The following CSMD2 variants were observed in gnomAD, a reference collection of about 807,000 sequenced individuals.
CSMD2 encodes the protein CUB and Sushi multiple domains 2.
A neutral mutation model predicts 398.5 loss-of-function variants in CSMD2; 130 were observed. That is an observed-to-expected ratio of 0.33 (90% confidence interval 0.28 to 0.38). The LOEUF is 0.38. Among genes scored for constraint, CSMD2 ranks in the 10% least tolerant of loss-of-function variants. CSMD2 has a pLI of 1.00. For synonymous variants in CSMD2, 1,828 were observed against 1,908.5 expected (o/e 0.96, Z 1.10); for missense variants, 3,829 against 4,764.9 (o/e 0.80, Z 5.78).
rs11333218 is a variant in CSMD2 at position 33,514,280 on chromosome 1, CTTTTTTT to C, written c.*2337_*2343del. On this transcript the variant is annotated 3_prime_UTR_variant, in exon 71 of 71. Transcript: ENST00000373381. ...ACAATAATGAAAAAAAAATTTACAC[CTTTTTTT>C]TTTTCTTTTTTGGTACTGTACAAAC... 1 of 147,326 alleles carries C rather than the reference CTTTTTTT, an allele frequency of 6.8e-6. No individual in the cohort carries two copies. The highest frequency in any genetic ancestry group is 2.1e-4 in the South Asian group (1 of 4,682). 9.1% of individuals were successfully genotyped at this position (147,326 alleles called of 1,614,324 possible).
At chr1:33,762,107 A>G (rs1239549807) in intron 13 of CSMD2, among the ~76,000 whole-genome samples, 1 of 152,262 alleles carries the variant, frequency 6.6e-6, no homozygotes, top group Non-Finnish European at 1.5e-5. Flanking sequence ...AGGACCACAG[A>G]GTCTGAGGAC....
chr1:34,161,412 G>A (rs1641317277), intron 1 of CSMD2, among the ~76,000 whole-genome samples: 1 of 152,168 alleles, frequency 6.6e-6, no homozygotes, highest in South Asian at 2.1e-4. Context: ...AGAGAGTGGT[G>A]AAAAGGAATG....
At chr1:33,651,462 A>G (rs1380112819) in intron 28 of CSMD2, among the ~76,000 whole-genome samples, 3 of 152,224 alleles carry the variant, frequency 2.0e-5, no homozygotes, top group African/African-American at 7.2e-5. Flanking sequence ...CGCTCAGAAT[A>G]AAGCCAGGGT....
chr1:33,731,332 C>A (rs1412432370), intron 15 of CSMD2, among the ~76,000 whole-genome samples: 1 of 151,920 alleles, frequency 6.6e-6, no homozygotes, highest in Non-Finnish European at 1.5e-5. Context: ...AGCATGTTAC[C>A]ATTTTGTAAT....
intron 28 of CSMD2, among the ~76,000 whole-genome samples, chr1:33,651,492 T>C (rs1643752430): frequency 6.6e-6 from 1 of 152,166 alleles, no homozygotes; most frequent in African/African-American, 2.4e-5. Context: ...AATGGAGTCT[T>C]CCACTTATAA....
At chr1:34,076,948 T>A (rs1482539344) in intron 2 of CSMD2, among the ~76,000 whole-genome samples, 86 of 111,080 alleles carry the variant, frequency 7.7e-4, no homozygotes, top group African/African-American at 3.1e-3. Context: ...TATATATATA[T>A]ATATATATAG....
chr1:34,070,681 G>A (rs1655641309), intron 2 of CSMD2, among the ~76,000 whole-genome samples: 1 of 152,146 alleles, frequency 6.6e-6, no homozygotes. Context: ...AACTCTTTGT[G>A]TCTGCATTCC....
chr1:33,606,358 C>T (rs1435317466), intron 41 of CSMD2, among the ~76,000 whole-genome samples: 5 of 152,330 alleles, frequency 3.3e-5, no homozygotes, highest in East Asian at 1.9e-4. Context: ...GTTTCTCATA[C>T]GTAATAACAA....
At chr1:33,810,918 T>A in intron 9 of CSMD2, 54 bp from the exon 10 acceptor site, 1 of 1,592,456 alleles carries the variant, frequency 6.3e-7, no homozygotes, top group South Asian at 1.1e-5. Flanking sequence ...CCAGTTCCCC[T>A]TCTTGCCTCC....
chr1:33,845,670 T>C (rs984259583), intron 6 of CSMD2, among the ~76,000 whole-genome samples: 3 of 152,262 alleles, frequency 2.0e-5, no homozygotes, highest in African/African-American at 7.2e-5. Flanking sequence ...GGGTAAGCCT[T>C]TGTTAAGCTA....
At chr1:33,625,788 T>G (rs984749051) in intron 33 of CSMD2, among the ~76,000 whole-genome samples, 1 of 151,928 alleles carries the variant, frequency 6.6e-6, no homozygotes, top group Non-Finnish European at 1.5e-5. Flanking sequence ...CTGGGCAGAG[T>G]CGAATGAACA....
Position 33,720,889 on chromosome 1 carries a change from C to T in CSMD2, c.3001+3308G>A, listed in dbSNP as rs376384637. Among the ~76,000 whole-genome samples, 15 of 152,130 alleles carry T rather than the reference C, an allele frequency of 9.9e-5. No homozygotes were observed. The East Asian group carries it at 2.5e-3, about 26-fold the overall frequency. ...ATTTTTTTTGTATTTTTAGTAGACA[C>T]GGGGTTTCTCCATGTTGGTCAGGCT... On this transcript the variant is annotated intron_variant, in intron 19 of 70. Coordinates refer to ENST00000373381, the MANE Select transcript of CSMD2 (RefSeq NM_001281956.2).
At chr1:33,708,431 G>A (rs893497573) in intron 22 of CSMD2, among the ~76,000 whole-genome samples, 2 of 151,912 alleles carry the variant, frequency 1.3e-5, no homozygotes, top group Non-Finnish European at 2.9e-5. Context: ...TCACACACAG[G>A]TGGAAACATA....
At chr1:34,161,109 T>G (rs1161266179) in intron 1 of CSMD2, among the ~76,000 whole-genome samples, 3 of 151,880 alleles carry the variant, frequency 2.0e-5, no homozygotes, top group Non-Finnish European at 4.4e-5. Context: ...AAGGAAGGAG[T>G]TGAGGATAAT....
intron 9 of CSMD2, among the ~76,000 whole-genome samples, chr1:33,813,392 C>A (rs1207145328): frequency 6.6e-6 from 1 of 152,200 alleles, no homozygotes; most frequent in Non-Finnish European, 1.5e-5. Context: ...GAGCAGCCAG[C>A]TCCATGGGAT....
intron 21 of CSMD2, among the ~76,000 whole-genome samples, chr1:33,713,988 C>T (rs1002617208): frequency 6.6e-6 from 1 of 152,216 alleles, no homozygotes; most frequent in African/African-American, 2.4e-5. Context: ...AAGAATTTCT[C>T]TGTTTTGTTC....
chr1:33,837,217 C>G (rs10737375), intron 6 of CSMD2, among the ~76,000 whole-genome samples: 119,563 of 152,148 alleles, frequency 0.79, 47,832 homozygotes, highest in East Asian at 0.94. Flanking sequence ...GCTAACTCAA[C>G]AGACTGGGAC....
chr1:34,086,256 A>G (rs143899006), intron 2 of CSMD2, among the ~76,000 whole-genome samples: 1 of 152,164 alleles, frequency 6.6e-6, no homozygotes, highest in Non-Finnish European at 1.5e-5. Flanking sequence ...TGCCCCATAG[A>G]TGGTGTCACA....
Position 34,164,635 on chromosome 1 carries a change from A to T in CSMD2, c.187+276T>A, listed in dbSNP as rs1641699240. ...AGGTGCCCCGCAACCCCGGGCGGGG[A>T]TGTCTGTCTCCCAGGCCCCCACACC... On this transcript the variant is annotated intron_variant, in intron 1 of 70. Coordinates refer to ENST00000373381, the MANE Select transcript of CSMD2 (RefSeq NM_001281956.2). This position sits in a 1 kb window ranked among gnomAD's most constrained non-coding sequence, Gnocchi z 6.2. Among the ~76,000 whole-genome samples the T allele has an allele frequency of 1.3e-5, 2 of 151,796 alleles. No homozygotes were observed. Among genetic ancestry groups the T allele is most frequent in the African/African-American group, 4.8e-5 (2 of 41,316 alleles).
Sources: gnomAD v4.1 joint callset for allele counts (sites outside exome capture counted in the v4.1 genomes callset) on GRCh38, gnomAD v4.1.1 for gene constraint, Gnocchi (gnomAD v3.1) non-coding constraint, MANE v1.5 for transcripts, NCBI Gene and HGNC (gene_info 2026-07-23, HGNC 2026-07-21) for gene names.